TBPL2: variants seen among roughly 807,000 people sequenced by gnomAD.
The protein encoded by TBPL2 is TATA box-binding protein-like 2.
TBPL2 carries 40 observed loss-of-function variants against 38.2 expected under a neutral mutation model. The ratio of observed to expected loss-of-function variants is 1.05; its 90% CI spans 0.81 to 1.36. TBPL2 has a LOEUF of 1.36. Among genes scored for constraint, TBPL2 ranks in the 40% most tolerant of loss-of-function variants. The probability of loss-of-function intolerance (pLI) is 0.00; values close to 1 mark genes in which losing one functional copy is unlikely to be tolerated. For synonymous variants in TBPL2, 169 were observed against 171.7 expected (o/e 0.98, Z 0.12); for missense variants, 461 against 456.7 (o/e 1.01, Z -0.09).
At chr14:55,424,215 A>T in exon 6 of TBPL2, 5 of 1,613,524 alleles carry the variant, frequency 3.1e-6, no homozygotes, top group Non-Finnish European at 4.2e-6. Context: ...TGGTTTTACC[A>T]TTCTATAAAT....
chr14:55,434,145 GA>G (rs1353735569), intron 3 of TBPL2, among the ~76,000 whole-genome samples: 1 of 151,970 alleles, frequency 6.6e-6, no homozygotes, highest in East Asian at 1.9e-4. Context: ...AATCTTTTGG[GA>G]AAAAAATAAG....
exon 5 of TBPL2, chr14:55,428,869 G>T: frequency 6.2e-7 from 1 of 1,614,140 alleles, no homozygotes; most frequent in Non-Finnish European, 8.5e-7. Flanking sequence ...TCACATCACA[G>T]CTTCCAACCA....
intron 6 of TBPL2, among the ~76,000 whole-genome samples, chr14:55,420,431 A>T (rs574799039): frequency 6.0e-4 from 92 of 152,350 alleles, no homozygotes; most frequent in Non-Finnish European, 1.2e-3. Context: ...TCTAAGGCTG[A>T]GGCAAAAATA....
chr14:55,428,187 T>G (rs565290727), intron 5 of TBPL2, among the ~76,000 whole-genome samples: 1 of 129,784 alleles, frequency 7.7e-6, no homozygotes, highest in Non-Finnish European at 1.6e-5. Context: ...TGGAGTCCAG[T>G]GGCGCGAGGT....
At chr14:55,423,388 C>T (rs952494239) in intron 6 of TBPL2, among the ~76,000 whole-genome samples, 3 of 152,296 alleles carry the variant, frequency 2.0e-5, no homozygotes, top group Admixed American at 6.5e-5. Flanking sequence ...AACGAAAGTC[C>T]CATTTCTGAG....
At position 55,426,896 on chromosome 14, in the gene TBPL2, AG is replaced by A. The variant is rs1351783050; in HGVS notation, c.956+1910del. 7.2e-5 allele frequency among the ~76,000 whole-genome samples: 11 copies of A among 152,342 alleles called. No individual in the cohort carries two copies. In the East Asian group the frequency reaches 2.1e-3, roughly 29 times the overall value. On this transcript the variant is annotated intron_variant, in intron 5 of 6. Coordinates refer to ENST00000247219, the Ensembl canonical transcript of TBPL2. ...ATTCTAGACTTAGATCTGCTCTGCA[AG>A]GAAGATGCTGGTGAAAAAGAAATGA...
chr14:55,431,598 A>T (rs1196376868), intron 4 of TBPL2, among the ~76,000 whole-genome samples: 1 of 152,236 alleles, frequency 6.6e-6, no homozygotes, highest in Admixed American at 6.5e-5. Context: ...AATCACTTTA[A>T]AATGGAGATT....
At chr14:55,421,431 G>A (rs1389502828) in intron 6 of TBPL2, among the ~76,000 whole-genome samples, 1 of 152,094 alleles carries the variant, frequency 6.6e-6, no homozygotes, top group Non-Finnish European at 1.5e-5. Flanking sequence ...CATTCAAAAC[G>A]TTCTTGGATT....
chr14:55,419,937 A>T (rs538614048), intron 6 of TBPL2, among the ~76,000 whole-genome samples: 3 of 152,298 alleles, frequency 2.0e-5, no homozygotes, highest in Admixed American at 2.0e-4. Context: ...TCTGTAGAGT[A>T]CCCAGTTGTG....
chr14:55,435,079 GA>G (rs539980139), intron 3 of TBPL2, among the ~76,000 whole-genome samples: 29 of 149,026 alleles, frequency 1.9e-4, no homozygotes, highest in Admixed American at 4.7e-4. Context: ...TGAGGAGGAC[GA>G]AAAAAAAAAT....
At chr14:55,433,583 A>G (rs750324087) in intron 4 of TBPL2, 47 bp downstream of exon 4, 13 of 1,540,640 alleles carry the variant, frequency 8.4e-6, no homozygotes, top group East Asian at 2.2e-5. Flanking sequence ...CTTGTTTTAC[A>G]TACTAAATTG....
exon 2 of TBPL2, chr14:55,436,682 T>C: frequency 6.2e-7 from 1 of 1,614,198 alleles, no homozygotes; most frequent in East Asian, 2.2e-5. Context: ...ACTGAGTCAG[T>C]ATCACCAGGG....
Position 55,433,672 on chromosome 14 carries a change from AG to A in TBPL2, c.745del (p.Ile250TyrfsTer52). On this transcript the variant is annotated frameshift_variant, in exon 4 of 7. Transcript: ENST00000247219. LOFTEE classifies it high-confidence loss of function. Reference sequence around the variant, plus strand: ...GACCATCTTCCCAGAGCTAAATATAAGGGCTGTTGTCCTGGGCTCTCGGATC... The same window carrying A: ...GACCATCTTCCCAGAGCTAAATATAAGGCTGTTGTCCTGGGCTCTCGGATC... 6.2e-7 allele frequency: 1 copy of A among 1,614,124 alleles called. No individual in the cohort carries two copies. The highest frequency in any genetic ancestry group is 1.3e-5 in the African/African-American group (1 of 75,028).
chr14:55,434,459 G>C (rs968402638), intron 3 of TBPL2, among the ~76,000 whole-genome samples: 5 of 152,130 alleles, frequency 3.3e-5, no homozygotes, highest in Non-Finnish European at 7.4e-5. Context: ...AAGGAAACTG[G>C]GGTGGGTGCT....
chr14:55,422,491 C>T (rs563976365), intron 6 of TBPL2, among the ~76,000 whole-genome samples: 2 of 152,148 alleles, frequency 1.3e-5, no homozygotes, highest in South Asian at 2.1e-4. Context: ...CCTCATAATT[C>T]GCCTGCCTCG....
At chr14:55,415,681 A>G (rs1245502208) in intron 6 of TBPL2, among the ~76,000 whole-genome samples, 1 of 152,120 alleles carries the variant, frequency 6.6e-6, no homozygotes, top group Non-Finnish European at 1.5e-5. Context: ...CCTGGCCAAC[A>G]CGGCGAAACC....
At chr14:55,426,410 A>C (rs909857456) in intron 5 of TBPL2, among the ~76,000 whole-genome samples, 1 of 152,218 alleles carries the variant, frequency 6.6e-6, no homozygotes, top group East Asian at 1.9e-4. Flanking sequence ...TGACATACAA[A>C]TTTGCAGAAC....
At chr14:55,435,779 A>T in intron 3 of TBPL2, 68 bp downstream of exon 3, 1 of 1,179,710 alleles carries the variant, frequency 8.5e-7, no homozygotes. Flanking sequence ...AGTCAATATC[A>T]TGATCATATT....
chr14:55,426,343 A>C (rs1018590509), intron 5 of TBPL2, among the ~76,000 whole-genome samples: 3 of 152,172 alleles, frequency 2.0e-5, no homozygotes, highest in African/African-American at 2.4e-5. Flanking sequence ...TATGTCATAG[A>C]AAGATTACCA....
Sources: allele counts gnomAD v4.1 joint callset (sites outside exome capture counted in the v4.1 genomes callset), GRCh38; gene constraint gnomAD v4.1.1; transcripts MANE v1.5; gene names NCBI Gene and HGNC (gene_info 2026-07-23, HGNC 2026-07-21).